TEAD1: variants seen among roughly 807,000 people sequenced by gnomAD.
The protein encoded by TEAD1 is TEA domain transcription factor 1, also known as transcriptional enhancer factor TEF-1.
Under a neutral mutation model 54.9 loss-of-function variants are expected in TEAD1, and 9 were observed. The ratio of observed to expected loss-of-function variants is 0.16; its 90% confidence interval spans 0.10 to 0.29. The LOEUF (loss-of-function observed/expected upper bound fraction) is 0.29, where lower values mean the gene tolerates loss of function less well. Ranked by LOEUF, TEAD1 falls within the 10% of genes least tolerant of loss-of-function variation. The pLI, the probability that TEAD1 is intolerant of heterozygous loss-of-function variation, is 1.00. For synonymous variants in TEAD1, 200 were observed against 187.8 expected (o/e 1.07, Z -0.53); for missense variants, 387 against 535.9 (o/e 0.72, Z 2.74).
At chr11:12,847,414 C>A (rs889811325) in intron 3 of TEAD1, among the ~76,000 whole-genome samples, 2 of 129,944 alleles carry the variant, frequency 1.5e-5, no homozygotes, top group Non-Finnish European at 3.1e-5. Context: ...CAGCCCACTG[C>A]TGGGGAGTGA....
intron 3 of TEAD1, among the ~76,000 whole-genome samples, chr11:12,850,851 C>T (rs1947258614): frequency 6.6e-6 from 1 of 152,142 alleles, no homozygotes. Flanking sequence ...GACCAGGTCT[C>T]TATGGCTGTG....
rs78050843 is a variant in TEAD1 at position 12,864,617 on chromosome 11, TTTTTGTTTTGTTTTG to T, written c.268-192_268-178del. ...GTAGCGATTTTATATTTGATTTCCT[TTTTTGTTTTGTTTTG>T]TTTTGTTTTGTTTTGTTTTGTTTTG... On this transcript the variant is annotated intron_variant, in intron 4 of 12. Transcript: ENST00000527636. The T allele has an allele frequency of 2.6e-3, 2,484 of 954,882 alleles. 51 individuals are homozygous for T. In the East Asian group the frequency reaches 0.051, roughly 20 times the overall value. 59.2% of individuals were successfully genotyped at this position (954,882 alleles called of 1,614,324 possible). A position where few individuals can be genotyped will look rare whatever the true frequency, so the allele number is the denominator to read the frequency against.
chr11:12,726,373 C>G (rs1046773816), intron 2 of TEAD1, among the ~76,000 whole-genome samples: 7 of 152,166 alleles, frequency 4.6e-5, no homozygotes, highest in African/African-American at 1.7e-4. Flanking sequence ...TGCTTGGAGA[C>G]CGCAGATACT....
At chr11:12,731,530 T>C (rs1399667453) in intron 2 of TEAD1, among the ~76,000 whole-genome samples, 1 of 152,208 alleles carries the variant, frequency 6.6e-6, no homozygotes, top group Non-Finnish European at 1.5e-5. Context: ...TTTATTAATA[T>C]CTTTAATATC....
intron 2 of TEAD1, among the ~76,000 whole-genome samples, chr11:12,713,919 C>G (rs529328967): frequency 5.9e-5 from 9 of 152,308 alleles, no homozygotes; most frequent in Admixed American, 5.9e-4. Context: ...GGAAAGCTTT[C>G]CAATTACTGG....
chr11:12,934,215 T>G (rs1590003611), intron 12 of TEAD1, among the ~76,000 whole-genome samples: 1 of 152,184 alleles, frequency 6.6e-6, no homozygotes, highest in East Asian at 1.9e-4. Context: ...CCATAAAAAA[T>G]GATGAGTTCA....
intron 5 of TEAD1, among the ~76,000 whole-genome samples, chr11:12,874,648 A>G (rs960729972): frequency 6.6e-6 from 1 of 152,172 alleles, no homozygotes; most frequent in Non-Finnish European, 1.5e-5. Context: ...TGTGTTGGAA[A>G]TTGGTTAATG....
chr11:12,801,850 TTC>T (rs1946066054), intron 3 of TEAD1, among the ~76,000 whole-genome samples: 1 of 152,242 alleles, frequency 6.6e-6, no homozygotes, highest in African/African-American at 2.4e-5. Context: ...TGATTGGTGA[TTC>T]TTAAGAGTGT....
chr11:12,862,994 T>C (rs746310640), intron 4 of TEAD1, among the ~76,000 whole-genome samples: 2 of 151,922 alleles, frequency 1.3e-5, no homozygotes, highest in Non-Finnish European at 2.9e-5. Context: ...AATGAGAAAT[T>C]AGTGTTTAAC....
chr11:12,676,500 G>A (rs910869939), intron 2 of TEAD1, among the ~76,000 whole-genome samples: 1 of 152,204 alleles, frequency 6.6e-6, no homozygotes, highest in African/African-American at 2.4e-5. Flanking sequence ...TTCACTGTTG[G>A]GTTTGTGCCC....
chr11:12,832,526 A>G (rs923369127), intron 3 of TEAD1, among the ~76,000 whole-genome samples: 1 of 152,186 alleles, frequency 6.6e-6, no homozygotes, highest in African/African-American at 2.4e-5. Context: ...TGCACTAATC[A>G]TTAATAACTA....
intron 2 of TEAD1, among the ~76,000 whole-genome samples, chr11:12,687,801 T>G (rs1354293359): frequency 6.6e-6 from 1 of 152,190 alleles, no homozygotes; most frequent in Non-Finnish European, 1.5e-5. Context: ...CCCTGTGGTT[T>G]CAGTCCTCCA....
At chr11:12,857,640 A>G (rs1248495991) in intron 3 of TEAD1, among the ~76,000 whole-genome samples, 1 of 147,710 alleles carries the variant, frequency 6.8e-6, no homozygotes, top group African/African-American at 2.6e-5. Context: ...CAACAGGACT[A>G]TGCTGCATAG....
At chr11:12,897,722 CTCTA>C (rs1332323664) in intron 9 of TEAD1, among the ~76,000 whole-genome samples, 1 of 152,182 alleles carries the variant, frequency 6.6e-6, no homozygotes, top group African/African-American at 2.4e-5. Flanking sequence ...CCTTTGTGGA[CTCTA>C]TCTGATGCAT....
chr11:12,912,250 G>A (rs146269378), intron 10 of TEAD1, among the ~76,000 whole-genome samples: 2 of 152,192 alleles, frequency 1.3e-5, no homozygotes, highest in African/African-American at 4.8e-5. Context: ...CTGATTTGCA[G>A]GCTCAGGGTC....
At chr11:12,824,301 C>T (rs1157910234) in intron 3 of TEAD1, among the ~76,000 whole-genome samples, 2 of 152,186 alleles carry the variant, frequency 1.3e-5, no homozygotes, top group Non-Finnish European at 2.9e-5. Flanking sequence ...TGTCTGCAGA[C>T]TTGCCTAAGT....
chr11:12,876,652 G>A (rs1371751586), intron 5 of TEAD1, among the ~76,000 whole-genome samples: 1 of 152,172 alleles, frequency 6.6e-6, no homozygotes. Flanking sequence ...GGCTTGTTCT[G>A]TGCTGAGGAA....
intron 3 of TEAD1, chr11:12,850,938 C>T (rs765561927): frequency 2.0e-5 from 7 of 351,730 alleles, no homozygotes; most frequent in Admixed American, 6.5e-5. Context: ...GAGACGAGAA[C>T]AAAGGTCTGA....
At chr11:12,912,124 A>G (rs1176170988) in intron 10 of TEAD1, among the ~76,000 whole-genome samples, 2 of 152,218 alleles carry the variant, frequency 1.3e-5, no homozygotes, top group African/African-American at 2.4e-5. Flanking sequence ...GGAGACCTCA[A>G]GAGACTCACT....
Sources: allele counts gnomAD v4.1 joint callset (sites outside exome capture counted in the v4.1 genomes callset), GRCh38; gene constraint gnomAD v4.1.1; transcripts MANE v1.5; gene names NCBI Gene and HGNC (gene_info 2026-07-23, HGNC 2026-07-21).